Variants in SFSWAP observed in about 807,000 individuals in gnomAD.
SFSWAP encodes the protein splicing factor SWAP, also known as splicing factor, suppressor of white-apricot homolog.
SFSWAP carries 17 observed loss-of-function variants against 100.7 expected under a neutral mutation model. The observed-to-expected ratio is 0.17, with a 90% CI of 0.12 to 0.25. SFSWAP has a LOEUF of 0.25. Among genes scored for constraint, SFSWAP ranks in the 10% least tolerant of loss-of-function variants. The pLI is 1.00. For missense variants in SFSWAP, 1,005 were observed against 1,262.6 expected, an observed-to-expected ratio of 0.80 and a Z score of 3.09; for synonymous variants, 504 against 510.1, an observed-to-expected ratio of 0.99 and a Z score of 0.16.
In SFSWAP at chr12:131,721,540, G is replaced by T. The variant is rs188179918; in HGVS notation, c.606+2001G>T. On this transcript the variant is annotated intron_variant, in intron 4 of 17. Coordinates refer to ENST00000261674, the MANE Select transcript of SFSWAP (RefSeq NM_004592.4). ...GCTAAGTGCTCCATCTCTATTTAAT[G>T]CTAAAAAGTTTATATGAAGTTGACT... is the stretch of plus-strand genomic sequence containing the variant. Among the ~76,000 whole-genome samples, 29 of 152,246 alleles carry T rather than the reference G, an allele frequency of 1.9e-4. No individual in the cohort carries two copies. The East Asian group carries it at 3.7e-3, about 19-fold the overall frequency.
intron 11 of SFSWAP, among the ~76,000 whole-genome samples, chr12:131,758,803 C>G (rs895760319): frequency 6.6e-6 from 1 of 152,150 alleles, no homozygotes; most frequent in Non-Finnish European, 1.5e-5. Context: ...AAAATGTAGC[C>G]GGGCATGGTG....
chr12:131,725,323 T>G lies in SFSWAP; in HGVS notation c.607-82T>G, dbSNP rs775177964. 77 of 1,166,020 alleles carry G rather than the reference T, an allele frequency of 6.6e-5. No homozygotes were observed. The highest frequency in any genetic ancestry group is 9.5e-5 in the Non-Finnish European group (74 of 779,524). The allele number at this position is 1,166,020 out of a possible 1,614,324, so 72.2% of individuals were successfully genotyped here. A position where few individuals can be genotyped will look rare whatever the true frequency, so the allele number is the denominator to read the frequency against. ...CTTAAAATTGACAGTAAAACCAGAG[T>G]CATTTCTATGTTTTAATGAAATCAC... is the stretch of plus-strand genomic sequence containing the variant. On this transcript the variant is annotated intron_variant, in intron 4 of 17. Coordinates refer to ENST00000261674, the MANE Select transcript of SFSWAP (RefSeq NM_004592.4). This position sits in a 1 kb window ranked among gnomAD's most constrained non-coding sequence, Gnocchi z 4.3.
intron 4 of SFSWAP, among the ~76,000 whole-genome samples, chr12:131,719,945 G>A (rs1878313889): frequency 6.6e-6 from 1 of 152,134 alleles, no homozygotes; most frequent in Non-Finnish European, 1.5e-5. Context: ...TGTGATTTTT[G>A]GGGTCACTTC....
intron 7 of SFSWAP, among the ~76,000 whole-genome samples, chr12:131,742,413 A>C (rs551832491): frequency 1.3e-3 from 191 of 152,226 alleles, no homozygotes; most frequent in Non-Finnish European, 1.4e-3. Context: ...GTTTAGAGAC[A>C]GGCTTTTTTT....
rs1325950670 is a variant in SFSWAP, at chr12:131,711,391, G to C, written c.162G>C (p.Gln54His). 6.2e-7 allele frequency: 1 copy of C among 1,613,920 alleles called. No individual in the cohort carries two copies. Among genetic ancestry groups the C allele is most frequent in the East Asian group, 2.2e-5 (1 of 44,878 alleles). ...GGGACGACGAGCGGGCCCTGGCTCA[G>C]GAACAGGGACAGCACCTCATCCCCT... ...LFRDDERALA[Q>H]EQGQHLIPWM... Residue 54 changes from glutamine (Q) to histidine (H), a missense_variant, in exon 1 of 18, where the codon CAG (glutamine) becomes CAC (histidine). Gln to His is a conservative substitution (Grantham distance 24). This residue lies in a region of SFSWAP where 237 missense variants were observed against 337.0 expected (regional missense o/e 0.70). Transcript: ENST00000261674. This position sits in a 1 kb window ranked among gnomAD's most constrained non-coding sequence, Gnocchi z 4.9.
In SFSWAP at chr12:131,711,124, T is replaced by G. The variant is rs1021862322; in HGVS notation, c.-106T>G. ...CCCGCTATGGCGGCGGTGTTGAGGTTGGGTACGGGATGCGGGGTCTTTGAC... is the reference window on the plus strand; with the variant it reads ...CCCGCTATGGCGGCGGTGTTGAGGTGGGGTACGGGATGCGGGGTCTTTGAC... On this transcript the variant is annotated 5_prime_UTR_variant, in exon 1 of 18. Coordinates refer to ENST00000261674, the MANE Select transcript of SFSWAP (RefSeq NM_004592.4). The surrounding 1 kb of genome is among the most constrained non-coding windows in gnomAD (Gnocchi z 4.9). 2 of 895,024 alleles carry G rather than the reference T, an allele frequency of 2.2e-6. No homozygotes were observed. The highest frequency in any genetic ancestry group is 5.7e-5 in the Admixed American group (2 of 34,850). 55.4% of individuals were successfully genotyped at this position (895,024 alleles called of 1,614,324 possible).
At position 131,799,548 on chromosome 12, in the gene SFSWAP, G is replaced by A. The variant is rs1885924865; in HGVS notation, c.*60G>A. The A allele has an allele frequency of 6.8e-7, 1 of 1,464,444 alleles. No homozygotes were observed. The highest frequency in any genetic ancestry group is 9.5e-7 in the Non-Finnish European group (1 of 1,058,066). The allele number at this position is 1,464,444 out of a possible 1,614,324, so 90.7% of individuals were successfully genotyped here. A position where few individuals can be genotyped will look rare whatever the true frequency, so the allele number is the denominator to read the frequency against. ...GTGGGCTTCTGGGCAGGCTCACGCA[G>A]ACGCCGGCCACACCATCCACCTGGC... On this transcript the variant is annotated 3_prime_UTR_variant, in exon 18 of 18. Transcript: ENST00000261674.
rs759831870 is a variant in SFSWAP, at chr12:131,797,218, C to T, written c.2575C>T (p.Arg859Trp). The T allele has an allele frequency of 8.1e-6, 13 of 1,611,820 alleles. No homozygotes were observed. The East Asian group carries it at 1.8e-4, about 22-fold the overall frequency. The change falls in exon 16 of 18, where the codon CGG (arginine) becomes TGG (tryptophan). Residue 859 changes from arginine to tryptophan, a missense_variant. Arg to Trp is a moderately radical substitution (Grantham distance 101). Transcript: ENST00000261674. ...GAAGAAGAAGAGGCGGTCCCGGTCG[C>T]GGACCAAGTCCAAGGCCAGGTCTCA... ...EKKKKRRSRS[R>W]TKSKARSQSV...
At chr12:131,761,624 T>G (rs576920051) in intron 11 of SFSWAP, among the ~76,000 whole-genome samples, 2 of 152,326 alleles carry the variant, frequency 1.3e-5, no homozygotes, top group African/African-American at 4.8e-5. Context: ...GAACTGGGTT[T>G]ATTCTGAATG....
chr12:131,739,205 G>A (rs906619096), intron 7 of SFSWAP, among the ~76,000 whole-genome samples: 14 of 152,056 alleles, frequency 9.2e-5, no homozygotes, highest in Non-Finnish European at 1.6e-4. Flanking sequence ...AAGCACTAAT[G>A]TGGTATAATT....
intron 7 of SFSWAP, among the ~76,000 whole-genome samples, chr12:131,748,088 G>T (rs1312130002): frequency 6.6e-6 from 1 of 152,204 alleles, no homozygotes; most frequent in African/African-American, 2.4e-5. Flanking sequence ...CTGCCTCTCA[G>T]ATGTGCTCAG....
At chr12:131,786,427 G>A in intron 14 of SFSWAP, 36 bp from the exon 15 acceptor site, 1 of 1,563,674 alleles carries the variant, frequency 6.4e-7, no homozygotes, top group Non-Finnish European at 8.7e-7. Context: ...CGCCAGCCAG[G>A]CCACAGAGCT....
At chr12:131,777,108 T>G (rs758532404) in intron 13 of SFSWAP, among the ~76,000 whole-genome samples, 8 of 152,250 alleles carry the variant, frequency 5.3e-5, no homozygotes, top group Admixed American at 2.0e-4. Flanking sequence ...TCTCCTCTGG[T>G]AGTTAAAACT....
intron 13 of SFSWAP, among the ~76,000 whole-genome samples, chr12:131,771,956 C>T (rs1225859035): frequency 1.3e-5 from 2 of 152,184 alleles, no homozygotes; most frequent in African/African-American, 2.4e-5. Flanking sequence ...CCACCGCTCC[C>T]GGCCACTTTG....
rs756207699 is a variant in SFSWAP at position 131,719,531 on chromosome 12, G to A, written c.598G>A (p.Val200Met). ...APLGLSVPSD[V>M]ELPPTAKMHA... is the part of the protein sequence containing the mutation. ...CTTAGGATTGAGCGTCCCGTCTGACGTGGAGTTGGTATGTGTCCTGCATGA... is the reference window on the plus strand; with the variant it reads ...CTTAGGATTGAGCGTCCCGTCTGACATGGAGTTGGTATGTGTCCTGCATGA... The change falls in exon 4 of 18, where the codon GTG (valine) becomes ATG (methionine). Residue 200 changes from valine (V) to methionine (M), a missense_variant. By Grantham distance (21) the Val-to-Met change is conservative. Coordinates refer to ENST00000261674, the MANE Select transcript of SFSWAP (RefSeq NM_004592.4). 9.9e-6 allele frequency: 16 copies of A among 1,612,312 alleles called. No individual in the cohort carries two copies. The highest frequency in any genetic ancestry group is 4.0e-5 in the African/African-American group (3 of 74,870).
intron 11 of SFSWAP, among the ~76,000 whole-genome samples, chr12:131,762,549 C>G (rs1461850439): frequency 1.1e-4 from 17 of 152,068 alleles, no homozygotes; most frequent in Admixed American, 1.1e-3. Context: ...GTTATTAAAT[C>G]ATTTTGTGAT....
Position 131,733,068 on chromosome 12 carries a change from A to G in SFSWAP, c.1081+4640A>G, listed in dbSNP as rs1879660048. Among the ~76,000 whole-genome samples the G allele has an allele frequency of 6.6e-6, 1 of 152,224 alleles. No homozygotes were observed. The highest frequency in any genetic ancestry group is 1.5e-5 in the Non-Finnish European group (1 of 68,040). On this transcript the variant is annotated intron_variant, in intron 7 of 17. Transcript: ENST00000261674. The surrounding 1 kb of genome is among the most constrained non-coding windows in gnomAD (Gnocchi z 5.1). ...TAAAGCATGAAGAGAATCATGCCCC[A>G]CAATGAAACCAGAGCCCTGTGGCCC...
At chr12:131,769,618 A>AT (rs1250445616) in intron 13 of SFSWAP, among the ~76,000 whole-genome samples, 6 of 150,154 alleles carry the variant, frequency 4.0e-5, no homozygotes, top group Non-Finnish European at 8.8e-5. Context: ...ATTTTATTTT[A>AT]TTTATTTATT....
At chr12:131,749,800 A>C (rs551977850) in intron 7 of SFSWAP, among the ~76,000 whole-genome samples, 1 of 152,350 alleles carries the variant, frequency 6.6e-6, no homozygotes, top group East Asian at 1.9e-4. Context: ...ATTTGGAGAT[A>C]TGGAGTCCTT....
Sources: allele counts gnomAD v4.1 joint callset (sites outside exome capture counted in the v4.1 genomes callset), GRCh38; gene constraint gnomAD v4.1.1; regional missense constraint gnomAD v4.1.1; non-coding constraint Gnocchi (gnomAD v3.1); transcripts MANE v1.5; gene names NCBI Gene and HGNC (gene_info 2026-07-23, HGNC 2026-07-21).